EMC1: variants seen among roughly 807,000 people sequenced by gnomAD.
The protein encoded by EMC1 is KIAA0090.
In EMC1, 103 loss-of-function variants were observed where a neutral mutation model predicts 128.8. That is an observed-to-expected ratio of 0.80 (90% CI 0.68 to 0.94). The LOEUF (loss-of-function observed/expected upper bound fraction) is 0.94, where lower values mean the gene tolerates loss of function less well. Among genes scored for constraint, EMC1 ranks in the 40% least tolerant of loss-of-function variants. The probability of loss-of-function intolerance (pLI) is 0.00; values close to 1 mark genes in which losing one functional copy is unlikely to be tolerated. For synonymous variants in EMC1, 442 were observed against 490.4 expected (o/e 0.90, Z 1.30); for missense variants, 1,083 against 1,250.6 (o/e 0.87, Z 2.02).
chr1:19,226,286 G>A (rs1188641441), intron 18 of EMC1, among the ~76,000 whole-genome samples: 1 of 152,032 alleles, frequency 6.6e-6, no homozygotes, highest in Non-Finnish European at 1.5e-5. Flanking sequence ...CTCGACTATG[G>A]TTTAACCCCA....
intron 18 of EMC1, among the ~76,000 whole-genome samples, chr1:19,226,476 A>T (rs1006704044): frequency 1.1e-4 from 16 of 151,660 alleles, no homozygotes; most frequent in South Asian, 6.2e-4. Flanking sequence ...TTAAAAAAAA[A>T]TTTTTTTTTG....
chr1:19,227,600 C>G (rs576087357), intron 17 of EMC1, 150 bp from the exon 18 acceptor site: 1 of 1,004,400 alleles, frequency 1.0e-6, no homozygotes, highest in East Asian at 2.6e-5. Flanking sequence ...GGAGCAGTGG[C>G]TCATTCTTGT....
intron 5 of EMC1, 94 bp from the exon 6 acceptor site, chr1:19,241,236 T>C: frequency 7.0e-7 from 1 of 1,426,886 alleles, no homozygotes; most frequent in Non-Finnish European, 9.6e-7. Context: ...TGTCACAAAC[T>C]AGTAATTCCC....
intron 15 of EMC1, among the ~76,000 whole-genome samples, chr1:19,232,134 T>C (rs7511790): frequency 0.19 from 28,997 of 152,104 alleles, 3,575 homozygotes; most frequent in African/African-American, 0.34. Flanking sequence ...TGATGGCGTG[T>C]GCCTGTAATC....
chr1:19,241,403 G>C (rs369577663), intron 5 of EMC1, among the ~76,000 whole-genome samples: 1 of 152,156 alleles, frequency 6.6e-6, no homozygotes, highest in Admixed American at 6.5e-5. Context: ...CCTAAATACA[G>C]AGCACCAATC....
intron 16 of EMC1, 43 bp from the exon 17 acceptor site, chr1:19,231,006 C>A: frequency 6.2e-7 from 1 of 1,610,026 alleles, no homozygotes; most frequent in African/African-American, 1.3e-5. Flanking sequence ...TAGGAAATTT[C>A]CCCATCAAAG....
At chr1:19,240,105 C>A (rs2093595455) in intron 7 of EMC1, 120 bp from the exon 8 acceptor site, 1 of 1,222,902 alleles carries the variant, frequency 8.2e-7, no homozygotes, top group Non-Finnish European at 1.1e-6. Context: ...CAGGTGGCTC[C>A]AAATGCTCCA....
At chr1:19,231,562 G>A (rs2093522131) in intron 15 of EMC1, 140 bp from the exon 16 acceptor site, 1 of 852,914 alleles carries the variant, frequency 1.2e-6, no homozygotes, top group African/African-American at 1.7e-5. Context: ...TAAGTTCTTG[G>A]CTGTAGGTGA....
chr1:19,217,955 C>A lies in EMC1; in HGVS notation c.*1348G>T. 6.6e-6 allele frequency: 1 copy of A among 152,226 alleles called. No individual in the cohort carries two copies. 9.4% of individuals were successfully genotyped at this position (152,226 alleles called of 1,614,324 possible). A position where few individuals can be genotyped will look rare whatever the true frequency, so the allele number is the denominator to read the frequency against. On this transcript the variant is annotated 3_prime_UTR_variant, in exon 23 of 23. Transcript: ENST00000477853. ...CAAATTTTTAGATAACCTAACCAAC[C>A]CATATATGATTAAACTGACCTTTCC...
chr1:19,243,672 G>A lies in EMC1; in HGVS notation c.322C>T (p.Arg108Cys), dbSNP rs746537714. The change falls in exon 4 of 23, where the codon CGT becomes TGT. Residue 108 changes from arginine (R) to cysteine (C), a missense_variant. Transcript: ENST00000477853. ...ITVSNGGRIM[R>C]SWETNIGGLN... ...CCCCCGATGTTAGTCTCCCAGGAAC[G>A]CATGATTCGGCCTCCATTGGACACA... is the stretch of plus-strand genomic sequence containing the variant. 2.5e-6 allele frequency: 4 copies of A among 1,614,150 alleles called. No homozygotes were observed. Among genetic ancestry groups the A allele is most frequent in the East Asian group, 2.2e-5 (1 of 44,886 alleles).
intron 18 of EMC1, among the ~76,000 whole-genome samples, chr1:19,225,645 CA>C: frequency 6.7e-6 from 1 of 149,186 alleles, no homozygotes. Context: ...GACTCCATCT[CA>C]AAAAAAAAGA....
chr1:19,225,758 G>A (rs2093467889), intron 18 of EMC1, among the ~76,000 whole-genome samples: 1 of 151,574 alleles, frequency 6.6e-6, no homozygotes, highest in African/African-American at 2.4e-5. Flanking sequence ...GGTCAAAGCT[G>A]CAGTGAGCTG....
intron 1 of EMC1, among the ~76,000 whole-genome samples, chr1:19,248,456 C>CA (rs2093641792): frequency 6.6e-6 from 1 of 152,098 alleles, no homozygotes; most frequent in Admixed American, 6.6e-5. Context: ...GAGTCTCGCT[C>CA]TGTTGCCAGG....
At chr1:19,239,675 C>T (rs140362097) in intron 8 of EMC1, 143 bp downstream of exon 8, 4 of 765,860 alleles carry the variant, frequency 5.2e-6, no homozygotes, top group East Asian at 2.6e-5. Context: ...AGGCTACCTA[C>T]CCCCTCTCAA....
intron 15 of EMC1, among the ~76,000 whole-genome samples, chr1:19,232,124 T>C (rs2151948751): frequency 6.6e-6 from 1 of 152,232 alleles, no homozygotes; most frequent in East Asian, 1.9e-4. Context: ...CAGCCGGGCA[T>C]GATGGCGTGT....
chr1:19,232,147 A>G (rs2093527879), intron 15 of EMC1, among the ~76,000 whole-genome samples: 3 of 152,192 alleles, frequency 2.0e-5, no homozygotes, highest in Non-Finnish European at 4.4e-5. Flanking sequence ...CTGTAATCCC[A>G]GCTACTCGGG....
At chr1:19,222,197 C>T (rs2093436457) in intron 20 of EMC1, among the ~76,000 whole-genome samples, 1 of 152,050 alleles carries the variant, frequency 6.6e-6, no homozygotes, top group Non-Finnish European at 1.5e-5. Context: ...CGATGGCTCA[C>T]ACCTGTAATC....
chr1:19,248,102 C>A (rs1210012178), intron 1 of EMC1, among the ~76,000 whole-genome samples: 3 of 151,972 alleles, frequency 2.0e-5, no homozygotes, highest in African/African-American at 7.2e-5. Context: ...CTCCTGAAAA[C>A]CTGCCAGTAA....
intron 7 of EMC1, 73 bp downstream of exon 7, chr1:19,240,224 G>A (rs1488616160): frequency 6.3e-7 from 1 of 1,580,280 alleles, no homozygotes; most frequent in Non-Finnish European, 8.7e-7. Context: ...AGACCCTCCA[G>A]GGGAATCATG....
Sources: gnomAD v4.1 joint callset for allele counts (sites outside exome capture counted in the v4.1 genomes callset) on GRCh38, gnomAD v4.1.1 for gene constraint, MANE v1.5 for transcripts, NCBI Gene and HGNC (gene_info 2026-07-23, HGNC 2026-07-21) for gene names.